Variants in SAMMSON observed in about 807,000 individuals in gnomAD.
SAMMSON encodes survival associated mitochondrial melanoma specific oncogenic non-coding RNA, also known as long intergenic non-protein coding RNA 1212.
chr3:70,433,229 G>A (rs1023605422), intron 2 of SAMMSON, among the ~76,000 whole-genome samples: 6 of 152,120 alleles, frequency 3.9e-5, no homozygotes, highest in African/African-American at 1.2e-4. Flanking sequence ...TTGGTAAGAA[G>A]TTGCTAAGCT....
intron 2 of SAMMSON, among the ~76,000 whole-genome samples, chr3:70,012,913 G>A (rs931277607): frequency 3.3e-5 from 5 of 152,036 alleles, no homozygotes; most frequent in African/African-American, 7.2e-5. Context: ...AGGAAGCACC[G>A]TTCTTCCTTT....
At chr3:70,295,061 C>G (rs760067449) in intron 7 of SAMMSON, among the ~76,000 whole-genome samples, 5 of 152,112 alleles carry the variant, frequency 3.3e-5, no homozygotes, top group African/African-American at 1.2e-4. Flanking sequence ...TGATCTGTTG[C>G]CTAAAATTAT....
intron 3 of SAMMSON, chr3:70,014,950 A>C (rs1219754667): frequency 1.3e-5 from 2 of 152,158 alleles, no homozygotes; most frequent in Non-Finnish European, 2.9e-5. Flanking sequence ...GTTACCAATC[A>C]ACATAAGTTA....
At chr3:70,155,139 A>G (rs2067586781) in intron 4 of SAMMSON, among the ~76,000 whole-genome samples, 1 of 151,892 alleles carries the variant, frequency 6.6e-6, no homozygotes, top group Admixed American at 6.6e-5. Flanking sequence ...ATAGGTACCT[A>G]TATCTGCAAC....
chr3:70,183,700 A>G (rs778933035), intron 4 of SAMMSON: 10 of 152,198 alleles, frequency 6.6e-5, no homozygotes, highest in Non-Finnish European at 1.2e-4. Flanking sequence ...CTAGCTAGTC[A>G]TCACATAGTG....
At chr3:70,188,252 G>C (rs1701106642) in intron 4 of SAMMSON, among the ~76,000 whole-genome samples, 1 of 152,106 alleles carries the variant, frequency 6.6e-6, no homozygotes. Context: ...CCATTGTGTT[G>C]TCTTGGTGTT....
intron 4 of SAMMSON, among the ~76,000 whole-genome samples, chr3:70,144,913 G>A (rs183929149): frequency 1.4e-4 from 22 of 152,172 alleles, no homozygotes; most frequent in African/African-American, 3.6e-4. Flanking sequence ...GCCCAATCTC[G>A]GGTATGTCTT....
At chr3:70,315,866 C>T (rs1702490396) in intron 7 of SAMMSON, among the ~76,000 whole-genome samples, 2 of 151,896 alleles carry the variant, frequency 1.3e-5, no homozygotes, top group Admixed American at 1.3e-4. Context: ...GATTAGAATC[C>T]AAGAAGAGTA....
intron 4 of SAMMSON, among the ~76,000 whole-genome samples, chr3:70,247,999 A>G (rs1375356984): frequency 2.0e-5 from 3 of 152,092 alleles, no homozygotes; most frequent in Admixed American, 6.6e-5. Context: ...ATAAAAGTCT[A>G]AACAGGTCAA....
At chr3:70,079,801 A>G (rs1247328467) in intron 4 of SAMMSON, among the ~76,000 whole-genome samples, 2 of 152,136 alleles carry the variant, frequency 1.3e-5, no homozygotes, top group Admixed American at 1.3e-4. Context: ...TTCTTTTTCC[A>G]AATGATGTGA....
chr3:70,285,554 G>C (rs1431026593), intron 6 of SAMMSON, among the ~76,000 whole-genome samples: 7 of 150,666 alleles, frequency 4.6e-5, no homozygotes, highest in Admixed American at 6.6e-5. Context: ...ATGATTTATA[G>C]TCCTTTGGGT....
chr3:70,216,588 T>A (rs1701414334), intron 4 of SAMMSON, among the ~76,000 whole-genome samples: 1 of 152,098 alleles, frequency 6.6e-6, no homozygotes, highest in African/African-American at 2.4e-5. Context: ...CTATACTATC[T>A]AGATAGAGAT....
At chr3:70,244,408 A>G (rs947615106) in intron 4 of SAMMSON, among the ~76,000 whole-genome samples, 1 of 152,216 alleles carries the variant, frequency 6.6e-6, no homozygotes, top group Non-Finnish European at 1.5e-5. Flanking sequence ...AGGGCATTCT[A>G]TTTGCTACTG....
chr3:70,244,450 G>T (rs538806439), intron 4 of SAMMSON, among the ~76,000 whole-genome samples: 1 of 152,122 alleles, frequency 6.6e-6, no homozygotes, highest in African/African-American at 2.4e-5. Flanking sequence ...GTAAAGGAAC[G>T]GAGTAATCAA....
intron 4 of SAMMSON, among the ~76,000 whole-genome samples, chr3:70,169,634 T>C (rs1054391362): frequency 6.0e-5 from 2 of 33,470 alleles, no homozygotes; most frequent in Admixed American, 1.1e-3. Context: ...TAGAGAGGTC[T>C]TTTCTTTTTT....
intron 4 of SAMMSON, among the ~76,000 whole-genome samples, chr3:70,196,084 G>C (rs1205861052): frequency 4.6e-5 from 7 of 152,152 alleles, no homozygotes; most frequent in African/African-American, 1.7e-4. Flanking sequence ...AGCTGAATCT[G>C]TTTTAATATC....
At chr3:70,083,654 C>A (rs908517340) in intron 4 of SAMMSON, among the ~76,000 whole-genome samples, 1 of 152,072 alleles carries the variant, frequency 6.6e-6, no homozygotes, top group African/African-American at 2.4e-5. Flanking sequence ...TTTTGGCTGC[C>A]TTCCTTTCTT....
intron 4 of SAMMSON, among the ~76,000 whole-genome samples, chr3:70,217,647 C>T (rs1701427948): frequency 6.6e-6 from 1 of 152,122 alleles, no homozygotes; most frequent in South Asian, 2.1e-4. Flanking sequence ...CACCACCTTT[C>T]TGTGGAAGTT....
intron 3 of SAMMSON, among the ~76,000 whole-genome samples, chr3:70,052,827 G>A (rs928222226): frequency 2.0e-5 from 3 of 152,012 alleles, no homozygotes; most frequent in Non-Finnish European, 4.4e-5. Context: ...GGACAAAATT[G>A]CCCTCATTTG....
Sources: gnomAD v4.1 joint callset for allele counts (sites outside exome capture counted in the v4.1 genomes callset) on GRCh38, gnomAD v4.1.1 for gene constraint, MANE v1.5 for transcripts, NCBI Gene and HGNC (gene_info 2026-07-23, HGNC 2026-07-21) for gene names.